GAB2: variants seen among roughly 807,000 people sequenced by gnomAD.
The protein encoded by GAB2 is GRB2 associated binding protein 2, also known as GRB2-associated-binding protein 2.
Under a neutral mutation model 65.5 loss-of-function variants are expected in GAB2, and 26 were observed. The ratio of observed to expected loss-of-function variants is 0.40; its 90% CI spans 0.29 to 0.55. The LOEUF is 0.55. Among genes scored for constraint, GAB2 ranks in the 20% least tolerant of loss-of-function variants. The pLI is 0.53. For synonymous variants in GAB2, 321 were observed against 329.6 expected, an observed-to-expected ratio of 0.97 and a Z score of 0.28; for missense variants, 884 against 875.8, an observed-to-expected ratio of 1.01 and a Z score of -0.12.
chr11:78,359,943 T>C (rs1402536519), intron 1 of GAB2, among the ~76,000 whole-genome samples: 1 of 152,200 alleles, frequency 6.6e-6, no homozygotes, highest in African/African-American at 2.4e-5. Context: ...ATAATATTCA[T>C]AGGCAGCACT....
Position 78,267,857 on chromosome 11 carries a change from CAAA to C in GAB2, c.376+12741_376+12743del, listed in dbSNP as rs751533828. On this transcript the variant is annotated intron_variant, in intron 2 of 9. Coordinates refer to ENST00000361507, the MANE Select transcript of GAB2 (RefSeq NM_080491.3). ...TGGGTGATAGAGCGAGACTCCGTCT[CAAA>C]AAAAAAAAAAAAAAAAAAAAAGAGT... Among the ~76,000 whole-genome samples the C allele has an allele frequency of 1.0e-3, 34 of 32,798 alleles. 1 individual carries two copies. The highest frequency in any genetic ancestry group is 2.2e-3 in the African/African-American group (23 of 10,326). 21.5% of individuals were successfully genotyped at this position (32,798 alleles called of 152,430 possible). A position where few individuals can be genotyped will look rare whatever the true frequency, so the allele number is the denominator to read the frequency against.
intron 1 of GAB2, 77 bp downstream of exon 1, chr11:78,417,569 C>A: frequency 1.3e-6 from 1 of 772,082 alleles, no homozygotes; most frequent in Non-Finnish European, 1.7e-6. Context: ...GCCTGCCGCC[C>A]CTCCGGGAGT....
At chr11:78,302,574 T>C (rs1867058178) in intron 1 of GAB2, among the ~76,000 whole-genome samples, 1 of 152,032 alleles carries the variant, frequency 6.6e-6, no homozygotes, top group Non-Finnish European at 1.5e-5. Context: ...TCCACACAGC[T>C]GGTGGGAATG....
At position 78,291,830 on chromosome 11, in the gene GAB2, T is replaced by C. The variant is rs150820168; in HGVS notation, c.76-10929A>G. On this transcript the variant is annotated intron_variant, in intron 1 of 9. Coordinates refer to ENST00000361507, the MANE Select transcript of GAB2 (RefSeq NM_080491.3). ...ATTCTCCCACCTCAGCATCCCAAAG[T>C]GCTGGAATTACAGATGAGCCACTGT... Among the ~76,000 whole-genome samples, 661 of 152,086 alleles carry C rather than the reference T, an allele frequency of 4.3e-3. 2 individuals carry two copies. Among genetic ancestry groups the C allele is most frequent in the African/African-American group, 0.015 (625 of 41,486 alleles).
At chr11:78,415,554 C>T (rs949233197) in intron 1 of GAB2, among the ~76,000 whole-genome samples, 1 of 152,164 alleles carries the variant, frequency 6.6e-6, no homozygotes, top group African/African-American at 2.4e-5. Flanking sequence ...ACTGAACTTC[C>T]GAAGGGGCAG....
chr11:78,271,855 T>A lies in GAB2; in HGVS notation c.376+8746A>T, dbSNP rs547341077. Among the ~76,000 whole-genome samples the A allele has an allele frequency of 7.2e-5, 11 of 152,272 alleles. No individual in the cohort carries two copies. In the South Asian group the frequency reaches 2.3e-3, roughly 32 times the overall value. On this transcript the variant is annotated intron_variant, in intron 2 of 9. Coordinates refer to ENST00000361507, the MANE Select transcript of GAB2 (RefSeq NM_080491.3). The stretch of plus-strand genomic sequence containing the variant: ...CCAAATCTCATCTTGAATTCCCACG[T>A]GTTGTGGGAGGGATCCAGTGGGAGG...
chr11:78,387,695 C>T (rs990297589), intron 1 of GAB2, among the ~76,000 whole-genome samples: 3 of 152,206 alleles, frequency 2.0e-5, no homozygotes, highest in Admixed American at 6.5e-5. Flanking sequence ...GCTTTACTCA[C>T]AATCTGCCAA....
At position 78,216,652 on chromosome 11, in the gene GAB2, C is replaced by G. The variant is rs964089659; in HGVS notation, c.*2620G>C. On this transcript the variant is annotated 3_prime_UTR_variant, in exon 10 of 10. Coordinates refer to ENST00000361507, the MANE Select transcript of GAB2 (RefSeq NM_080491.3). Reference sequence around the variant, plus strand: ...CTGGAAGGAAGCCTCCTGGGAGATTCGATTTGAACACCTCAGTCGCTCTCC... The same window carrying G: ...CTGGAAGGAAGCCTCCTGGGAGATTGGATTTGAACACCTCAGTCGCTCTCC... 16 of 152,196 alleles carry G rather than the reference C, an allele frequency of 1.1e-4. No homozygotes were observed. Among genetic ancestry groups the G allele is most frequent in the Admixed American group, 4.6e-4 (7 of 15,280 alleles). 9.4% of individuals were successfully genotyped at this position (152,196 alleles called of 1,614,324 possible).
chr11:78,393,762 G>T (rs1353458651), intron 1 of GAB2, among the ~76,000 whole-genome samples: 3 of 152,226 alleles, frequency 2.0e-5, no homozygotes, highest in Admixed American at 1.3e-4. Flanking sequence ...TGCAATAATT[G>T]TAACAGTTAC....
intron 1 of GAB2, among the ~76,000 whole-genome samples, chr11:78,328,538 G>A (rs886455584): frequency 1.2e-4 from 19 of 152,100 alleles, no homozygotes; most frequent in Non-Finnish European, 2.4e-4. Context: ...CCATCCGAAG[G>A]AGAATGCATA....
intron 1 of GAB2, among the ~76,000 whole-genome samples, chr11:78,324,104 GA>G (rs1855779851): frequency 2.0e-5 from 3 of 151,538 alleles, no homozygotes; most frequent in Admixed American, 6.6e-5. Flanking sequence ...GACTCCCTCT[GA>G]ATTTTTTTTT....
chr11:78,340,880 AT>A (rs988439652), intron 1 of GAB2, among the ~76,000 whole-genome samples: 2 of 152,178 alleles, frequency 1.3e-5, no homozygotes, highest in Admixed American at 1.3e-4. Context: ...CTGGCTCAAA[AT>A]CATCTCTTTC....
At chr11:78,414,815 T>C (rs1300715733) in intron 1 of GAB2, among the ~76,000 whole-genome samples, 1 of 152,236 alleles carries the variant, frequency 6.6e-6, no homozygotes, top group Non-Finnish European at 1.5e-5. Context: ...CATTTGCCTT[T>C]GCTTCTTCTA....
Position 78,215,788 on chromosome 11 carries a change from T to C in GAB2, c.*3484A>G, listed in dbSNP as rs1017564784. The C allele has an allele frequency of 6.6e-6, 1 of 152,638 alleles. No homozygotes were observed. The highest frequency in any genetic ancestry group is 6.5e-5 in the Admixed American group (1 of 15,282). 9.5% of individuals were successfully genotyped at this position (152,638 alleles called of 1,614,324 possible). On this transcript the variant is annotated 3_prime_UTR_variant, in exon 10 of 10. Coordinates refer to ENST00000361507, the MANE Select transcript of GAB2 (RefSeq NM_080491.3). ...AAGACGACCCCCCACGGAAGGGCTTTAGCGCTCCTGAGACCAGTCTGGCTT... is the reference window on the plus strand; with the variant it reads ...AAGACGACCCCCCACGGAAGGGCTTCAGCGCTCCTGAGACCAGTCTGGCTT...
chr11:78,368,640 C>T (rs1219631512), intron 1 of GAB2, among the ~76,000 whole-genome samples: 1 of 151,850 alleles, frequency 6.6e-6, no homozygotes, highest in African/African-American at 2.4e-5. Context: ...AACAATTAAC[C>T]CTAATAAAAG....
chr11:78,259,194 C>T (rs1228019773), intron 2 of GAB2, among the ~76,000 whole-genome samples: 2 of 152,192 alleles, frequency 1.3e-5, no homozygotes, highest in Non-Finnish European at 2.9e-5. Context: ...TCATTTCCCA[C>T]ACTGTCAAAT....
At chr11:78,343,340 A>G (rs772374843) in intron 1 of GAB2, among the ~76,000 whole-genome samples, 12 of 139,724 alleles carry the variant, frequency 8.6e-5, no homozygotes, top group African/African-American at 2.6e-4. Context: ...AGAAGTGGCA[A>G]TGTAGTACAA....
chr11:78,379,588 G>C (rs1158149935), intron 1 of GAB2, among the ~76,000 whole-genome samples: 3 of 152,180 alleles, frequency 2.0e-5, no homozygotes, highest in Admixed American at 6.5e-5. Context: ...TTTTCAACAA[G>C]CTACTATATT....
chr11:78,307,772 A>G (rs1464451547), intron 1 of GAB2, among the ~76,000 whole-genome samples: 2 of 152,258 alleles, frequency 1.3e-5, no homozygotes, highest in Non-Finnish European at 2.9e-5. Flanking sequence ...ATTTTTTAAT[A>G]CAAAAGAAGT....
Sources: gnomAD v4.1 joint callset for allele counts (sites outside exome capture counted in the v4.1 genomes callset) on GRCh38, gnomAD v4.1.1 for gene constraint, MANE v1.5 for transcripts, NCBI Gene and HGNC (gene_info 2026-07-23, HGNC 2026-07-21) for gene names.